ZNF469: variants seen among roughly 807,000 people sequenced by gnomAD.
ZNF469 encodes the protein zinc finger protein 469.
ZNF469 carries 1 observed loss-of-function variant against 1.0 expected under a neutral mutation model. That is an observed-to-expected ratio of 1.00 (90% CI 0.35 to 4.73). The LOEUF is 4.73. Among genes scored for constraint, ZNF469 ranks in the 30% most tolerant of loss-of-function variants. The pLI is 0.16. For synonymous variants in ZNF469, 2,703 were observed against 2,363.4 expected (o/e 1.14, Z -4.17); for missense variants, 6,100 against 5,356.3 (o/e 1.14, Z -4.33).
the ZNF469 span, among the ~76,000 whole-genome samples, chr16:88,326,877 G>A: frequency 6.6e-6 from 1 of 152,170 alleles, no homozygotes; most frequent in African/African-American, 2.4e-5. Flanking sequence ...TGAAAACTGG[G>A]CAGAGTACCC....
At chr16:88,280,161 C>T in the ZNF469 span, among the ~76,000 whole-genome samples, 99 of 151,754 alleles carry the variant, frequency 6.5e-4, no homozygotes, top group African/African-American at 2.3e-3. Flanking sequence ...TATCAGTGCA[C>T]GGTTAGTGCT....
the ZNF469 span, among the ~76,000 whole-genome samples, chr16:88,111,923 C>T: frequency 6.6e-6 from 1 of 152,230 alleles, no homozygotes; most frequent in Admixed American, 6.5e-5. Context: ...GTGTGAGCCA[C>T]CGCGCCCGGC....
At chr16:88,122,775 C>G in the ZNF469 span, among the ~76,000 whole-genome samples, 2 of 151,154 alleles carry the variant, frequency 1.3e-5, no homozygotes, top group African/African-American at 2.4e-5. Context: ...ATTCTTAGCT[C>G]TGTGTGTATA....
upstream of ZNF469, among the ~76,000 whole-genome samples, chr16:88,382,316 A>G (rs1191262223): frequency 2.0e-5 from 3 of 152,116 alleles, no homozygotes; most frequent in Admixed American, 2.0e-4. Context: ...CTGTGAATGG[A>G]GATGTTGGAC....
chr16:88,421,356 T>G (rs547637470), intron 1 of ZNF469, among the ~76,000 whole-genome samples: 100 of 152,230 alleles, frequency 6.6e-4, no homozygotes, highest in African/African-American at 2.2e-3. Context: ...GCCCTAGATC[T>G]GGGGGATAGG....
chr16:88,372,110 TCAC>T, the ZNF469 span, among the ~76,000 whole-genome samples: 2 of 35,734 alleles, frequency 5.6e-5, no homozygotes, highest in African/African-American at 9.0e-5. Flanking sequence ...ATCATCACCA[TCAC>T]CACCATCATC....
At chr16:88,380,648 TACACACACAG>T (rs953774258), upstream of ZNF469, among the ~76,000 whole-genome samples, 1 of 90,528 alleles carries the variant, frequency 1.1e-5, no homozygotes, top group Non-Finnish European at 2.2e-5. Flanking sequence ...CATGCACTCA[TACACACACAG>T]ACACGCCCTC....
Position 88,436,176 on chromosome 16 carries a change from G to A in ZNF469, c.8706G>A (p.Thr2902=), listed in dbSNP as rs767731436. The A allele has an allele frequency of 2.9e-5, 45 of 1,547,550 alleles. No homozygotes were observed. The highest frequency in any genetic ancestry group is 6.0e-5 in the South Asian group (5 of 84,022). ...GCTTTGAGGAGGGCGGTGACCCCACGCTGGGCCCAGCCCGCCTGCCCACGG... is the reference window on the plus strand; with the variant it reads ...GCTTTGAGGAGGGCGGTGACCCCACACTGGGCCCAGCCCGCCTGCCCACGG... ...QPSFEEGGDP[T]LGPARLPTDL... Residue 2902 remains threonine, a synonymous_variant, in exon 3 of 3, where the codon ACG becomes ACA. Transcript: ENST00000565624.
At chr16:88,341,523 T>A in the ZNF469 span, among the ~76,000 whole-genome samples, 1 of 152,200 alleles carries the variant, frequency 6.6e-6, no homozygotes, top group African/African-American at 2.4e-5. Context: ...TAATCCCAAT[T>A]TCCTTTCGCA....
At chr16:88,313,416 C>CA in the ZNF469 span, among the ~76,000 whole-genome samples, 1 of 152,296 alleles carries the variant, frequency 6.6e-6, no homozygotes, top group South Asian at 2.1e-4. Context: ...CCCATCCCTC[C>CA]AAAAAATGTT....
At chr16:88,332,677 G>T in the ZNF469 span, among the ~76,000 whole-genome samples, 6 of 152,222 alleles carry the variant, frequency 3.9e-5, no homozygotes, top group African/African-American at 1.4e-4. Flanking sequence ...CCTCCCCTAA[G>T]GGACTCCAGA....
the ZNF469 span, among the ~76,000 whole-genome samples, chr16:88,157,309 C>G: frequency 6.6e-6 from 1 of 152,350 alleles, no homozygotes; most frequent in South Asian, 2.1e-4. Flanking sequence ...CCCACAGCCT[C>G]AGGCGTGGGG....
At chr16:88,281,832 C>T in the ZNF469 span, among the ~76,000 whole-genome samples, 2 of 152,092 alleles carry the variant, frequency 1.3e-5, no homozygotes, top group African/African-American at 4.8e-5. Context: ...GGTGCTGTGC[C>T]ATGCTGACGC....
At chr16:88,258,660 C>T in the ZNF469 span, among the ~76,000 whole-genome samples, 6 of 112,394 alleles carry the variant, frequency 5.3e-5, no homozygotes, top group Non-Finnish European at 1.2e-4. Context: ...GAGATTTGAG[C>T]GTTTGGGTGA....
At chr16:88,149,336 T>C in the ZNF469 span, among the ~76,000 whole-genome samples, 1 of 152,164 alleles carries the variant, frequency 6.6e-6, no homozygotes, top group South Asian at 2.1e-4. Context: ...GCGGGAGAGA[T>C]TTCCATGGAT....
the ZNF469 span, among the ~76,000 whole-genome samples, chr16:88,220,753 C>T: frequency 1.3e-5 from 2 of 152,108 alleles, no homozygotes; most frequent in South Asian, 2.1e-4. Context: ...TCTGAGCCAC[C>T]GTATAGCACA....
chr16:88,155,746 C>T, the ZNF469 span, among the ~76,000 whole-genome samples: 2,594 of 152,286 alleles, frequency 0.017, 89 homozygotes, highest in African/African-American at 0.059. Context: ...TTACAAATAA[C>T]GCTGCTGAAA....
chr16:88,367,970 C>T, the ZNF469 span, among the ~76,000 whole-genome samples: 10 of 152,150 alleles, frequency 6.6e-5, no homozygotes, highest in African/African-American at 2.4e-4. Flanking sequence ...TCCTAATGCC[C>T]GCAGACGAAA....
chr16:88,230,926 G>A, the ZNF469 span, among the ~76,000 whole-genome samples: 1 of 152,172 alleles, frequency 6.6e-6, no homozygotes, highest in Non-Finnish European at 1.5e-5. Flanking sequence ...GACGGTGAGT[G>A]CCAGGTGCCA....
Sources: allele counts gnomAD v4.1 joint callset (sites outside exome capture counted in the v4.1 genomes callset), GRCh38; gene constraint gnomAD v4.1.1; transcripts MANE v1.5; gene names NCBI Gene and HGNC (gene_info 2026-07-23, HGNC 2026-07-21).